The following ZFPM2 variants were observed in gnomAD, a reference collection of about 807,000 sequenced individuals.
ZFPM2 encodes the protein zinc finger protein, FOG family member 2, also known as zinc finger protein ZFPM2.
ZFPM2 carries 20 observed loss-of-function variants against 98.6 expected under a neutral mutation model. The observed-to-expected ratio is 0.20, with a 90% CI of 0.14 to 0.29. ZFPM2 has a LOEUF of 0.29. Ranked by LOEUF, ZFPM2 falls within the 10% of genes least tolerant of loss-of-function variation. The pLI, the probability that ZFPM2 is intolerant of heterozygous loss-of-function variation, is 1.00. For missense variants in ZFPM2, 1,310 were observed against 1,388.6 expected (o/e 0.94, Z 0.90); for synonymous variants, 518 against 502.7 (o/e 1.03, Z -0.41).
chr8:105,738,484 G>A (rs1440178553), intron 5 of ZFPM2, among the ~76,000 whole-genome samples: 8 of 152,022 alleles, frequency 5.3e-5, no homozygotes, highest in African/African-American at 9.7e-5. Context: ...GTGAACATTC[G>A]CAGACATGTG....
At chr8:105,699,368 G>A (rs776335424) in intron 5 of ZFPM2, among the ~76,000 whole-genome samples, 2 of 152,106 alleles carry the variant, frequency 1.3e-5, no homozygotes, top group Non-Finnish European at 2.9e-5. Context: ...TTCCAAGAGA[G>A]ATGATGTTAT....
At chr8:105,596,555 T>C (rs574428753) in intron 4 of ZFPM2, among the ~76,000 whole-genome samples, 1 of 152,086 alleles carries the variant, frequency 6.6e-6, no homozygotes, top group South Asian at 2.1e-4. Flanking sequence ...GCACCAATCC[T>C]AATACTCTTC....
intron 5 of ZFPM2, among the ~76,000 whole-genome samples, chr8:105,755,534 A>G (rs1046760132): frequency 1.3e-5 from 2 of 152,170 alleles, no homozygotes; most frequent in African/African-American, 4.8e-5. Context: ...AGGCATTAAA[A>G]GTGTTATTTT....
chr8:105,380,740 A>ATATATATAT (rs1810852358), intron 1 of ZFPM2, among the ~76,000 whole-genome samples: 1 of 44,008 alleles, frequency 2.3e-5, no homozygotes, highest in Non-Finnish European at 3.5e-5. Context: ...TATATATTAT[A>ATATATATAT]TATATATGTT....
At chr8:105,685,100 T>G (rs1189668965) in intron 5 of ZFPM2, among the ~76,000 whole-genome samples, 2 of 152,106 alleles carry the variant, frequency 1.3e-5, no homozygotes, top group African/African-American at 4.8e-5. Context: ...TATAAAGTAT[T>G]ATTAACTAAA....
chr8:105,748,406 A>G (rs1812398878), intron 5 of ZFPM2, among the ~76,000 whole-genome samples: 1 of 152,092 alleles, frequency 6.6e-6, no homozygotes, highest in South Asian at 2.1e-4. Context: ...ATGTAAATGC[A>G]TTCTTCAACA....
At chr8:105,625,306 C>T (rs1225649467) in intron 4 of ZFPM2, among the ~76,000 whole-genome samples, 5 of 151,804 alleles carry the variant, frequency 3.3e-5, no homozygotes, top group African/African-American at 1.2e-4. Flanking sequence ...TGTTATTTCC[C>T]AAACAATAAA....
chr8:105,553,163 A>G (rs1466884390), intron 3 of ZFPM2, among the ~76,000 whole-genome samples: 3 of 152,036 alleles, frequency 2.0e-5, no homozygotes, highest in African/African-American at 4.8e-5. Flanking sequence ...TACCAATAAT[A>G]TTACTGCCTA....
At chr8:105,705,241 A>AT (rs1811228624) in intron 5 of ZFPM2, among the ~76,000 whole-genome samples, 1 of 152,102 alleles carries the variant, frequency 6.6e-6, no homozygotes, top group African/African-American at 2.4e-5. Flanking sequence ...GGGAATAAAA[A>AT]TTTTTAATAA....
intron 3 of ZFPM2, among the ~76,000 whole-genome samples, chr8:105,549,891 G>C (rs1023178488): frequency 6.6e-6 from 1 of 151,960 alleles, no homozygotes; most frequent in African/African-American, 2.4e-5. Flanking sequence ...TGGGATTACA[G>C]ACATGAGCCA....
At chr8:105,660,522 G>A (rs1197256557) in intron 5 of ZFPM2, among the ~76,000 whole-genome samples, 2 of 152,162 alleles carry the variant, frequency 1.3e-5, no homozygotes, top group Non-Finnish European at 2.9e-5. Context: ...GTAAAAAAAT[G>A]CCTTTGACAA....
intron 3 of ZFPM2, among the ~76,000 whole-genome samples, chr8:105,550,064 T>C (rs1814815688): frequency 6.6e-6 from 1 of 152,204 alleles, no homozygotes; most frequent in Non-Finnish European, 1.5e-5. Context: ...CTTAAACCAA[T>C]GAATCTTACT....
intron 4 of ZFPM2, among the ~76,000 whole-genome samples, chr8:105,629,695 T>C (rs1816721576): frequency 6.6e-6 from 1 of 152,186 alleles, no homozygotes; most frequent in Admixed American, 6.5e-5. Flanking sequence ...CAACATTTGG[T>C]ACCTTGATGT....
intron 3 of ZFPM2, among the ~76,000 whole-genome samples, chr8:105,550,098 T>G (rs893228972): frequency 2.6e-5 from 4 of 152,172 alleles, no homozygotes; most frequent in Non-Finnish European, 5.9e-5. Context: ...CTGAAATTTT[T>G]GGGACAGAAA....
intron 4 of ZFPM2, among the ~76,000 whole-genome samples, chr8:105,597,872 C>A (rs140604975): frequency 2.6e-5 from 4 of 152,062 alleles, no homozygotes; most frequent in African/African-American, 9.6e-5. Flanking sequence ...TTATATAGGA[C>A]TATTAATTAG....
chr8:105,369,703 G>A (rs1004408289), intron 1 of ZFPM2, among the ~76,000 whole-genome samples: 1 of 152,122 alleles, frequency 6.6e-6, no homozygotes, highest in Non-Finnish European at 1.5e-5. Flanking sequence ...TTTATGATCT[G>A]TGCTTTGGAT....
chr8:105,427,388 T>C (rs1301674055), intron 2 of ZFPM2, among the ~76,000 whole-genome samples: 1 of 152,206 alleles, frequency 6.6e-6, no homozygotes, highest in African/African-American at 2.4e-5. Flanking sequence ...TACTACTGTT[T>C]AGCATATGAC....
intron 5 of ZFPM2, among the ~76,000 whole-genome samples, chr8:105,738,545 G>A (rs1175502807): frequency 6.6e-6 from 1 of 152,054 alleles, no homozygotes; most frequent in Non-Finnish European, 1.5e-5. Flanking sequence ...CCAGTAATGG[G>A]ATTGCTGAGT....
chr8:105,481,876 A>G (rs1185465205), intron 3 of ZFPM2, among the ~76,000 whole-genome samples: 1 of 152,212 alleles, frequency 6.6e-6, no homozygotes, highest in African/African-American at 2.4e-5. Context: ...TCAAAATAAC[A>G]TCATCAGCAA....
Sources: gnomAD v4.1 joint callset for allele counts (sites outside exome capture counted in the v4.1 genomes callset) on GRCh38, gnomAD v4.1.1 for gene constraint, MANE v1.5 for transcripts, NCBI Gene and HGNC (gene_info 2026-07-23, HGNC 2026-07-21) for gene names.